The following SH3GLB2 variants were observed in gnomAD, a reference collection of about 807,000 sequenced individuals.
The protein encoded by SH3GLB2 is endophilin-B2.
In SH3GLB2, 24 loss-of-function variants were observed where a neutral mutation model predicts 48.0. That is an observed-to-expected ratio of 0.50 (90% CI 0.36 to 0.70). The LOEUF is 0.70. Among genes scored for constraint, SH3GLB2 ranks in the 30% least tolerant of loss-of-function variants. SH3GLB2 has a pLI of 0.00. For missense variants in SH3GLB2, 425 were observed against 516.0 expected, an observed-to-expected ratio of 0.82 and a Z score of 1.71; for synonymous variants, 227 against 207.6, an observed-to-expected ratio of 1.09 and a Z score of -0.80.
At position 129,013,055 on chromosome 9, in the gene SH3GLB2, C is replaced by CAA. The variant is rs764613173; in HGVS notation, c.562-759_562-758dup. On this transcript the variant is annotated intron_variant, in intron 5 of 10. Transcript: ENST00000372564. ...TTACCCAAAGCAGGACGGAAAGGAA[C>CAA]AAAAACAAAGAGTTAGTGAGTCCAC... 11 of 1,551,102 alleles carry CAA rather than the reference C, an allele frequency of 7.1e-6. No homozygotes were observed. In the Admixed American group the frequency reaches 2.2e-4, roughly 30 times the overall value.
At chr9:129,008,975 A>T in intron 10 of SH3GLB2, 131 bp downstream of exon 10, 1 of 1,451,142 alleles carries the variant, frequency 6.9e-7, no homozygotes, top group Non-Finnish European at 9.3e-7. Context: ...TCAGAGCTGG[A>T]TATGCCCTCT....
chr9:129,013,399 C>T lies in SH3GLB2; in HGVS notation c.561+1012G>A. On this transcript the variant is annotated intron_variant, in intron 5 of 10. Coordinates refer to ENST00000372564, the MANE Select transcript of SH3GLB2 (RefSeq NM_020145.4). Reference sequence around the variant, plus strand: ...GAGAGTGTGTTCTGGCTGAGTTACTCCAGAGACGGTGTCTGGCCCGAAGTG... The same window carrying T: ...GAGAGTGTGTTCTGGCTGAGTTACTTCAGAGACGGTGTCTGGCCCGAAGTG... 1.1e-5 allele frequency: 3 copies of T among 280,108 alleles called. No homozygotes were observed. In the South Asian group the frequency reaches 1.6e-4, roughly 15 times the overall value. 17.4% of individuals were successfully genotyped at this position (280,108 alleles called of 1,614,324 possible).
Position 129,011,001 on chromosome 9 carries a change from A to T in SH3GLB2, c.625-308T>A. The T allele has an allele frequency of 2.4e-6, 1 of 419,988 alleles. No individual in the cohort carries two copies. Among genetic ancestry groups the T allele is most frequent in the Non-Finnish European group, 4.3e-6 (1 of 232,076 alleles). The allele number at this position is 419,988 out of a possible 1,614,324, so 26.0% of individuals were successfully genotyped here. A position where few individuals can be genotyped will look rare whatever the true frequency, so the allele number is the denominator to read the frequency against. On this transcript the variant is annotated intron_variant, in intron 6 of 10. Coordinates refer to ENST00000372564, the MANE Select transcript of SH3GLB2 (RefSeq NM_020145.4). The surrounding 1 kb of genome is among the most constrained non-coding windows in gnomAD (Gnocchi z 4.5). Reference sequence around the variant, plus strand: ...AAGAGAGACGGAGTGTCCCCACCCCATCCTGACTGCTGGCTCAGGCTGCTG... The same window carrying T: ...AAGAGAGACGGAGTGTCCCCACCCCTTCCTGACTGCTGGCTCAGGCTGCTG...
At chr9:129,020,632 C>T (rs573702636) in intron 3 of SH3GLB2, among the ~76,000 whole-genome samples, 1 of 151,836 alleles carries the variant, frequency 6.6e-6, no homozygotes, top group East Asian at 1.9e-4. Context: ...GTTTTCGAGG[C>T]ATAGGCGGGC....
intron 3 of SH3GLB2, among the ~76,000 whole-genome samples, chr9:129,020,395 C>A (rs1030300585): frequency 6.6e-6 from 1 of 150,626 alleles, no homozygotes; most frequent in African/African-American, 2.4e-5. Context: ...ATGGTGAAAC[C>A]CTGCCTCTAC....
chr9:129,019,708 C>CA (rs1216460109), intron 3 of SH3GLB2, among the ~76,000 whole-genome samples: 755 of 57,244 alleles, frequency 0.013, 7 homozygotes, highest in African/African-American at 0.029. Flanking sequence ...GACTCTGCCT[C>CA]AAAAAAAAAA....
At chr9:129,019,620 G>A (rs551192143) in intron 3 of SH3GLB2, among the ~76,000 whole-genome samples, 8 of 149,204 alleles carry the variant, frequency 5.4e-5, no homozygotes. Context: ...GGAGGACCCG[G>A]GATGCTTGAA....
intron 1 of SH3GLB2, among the ~76,000 whole-genome samples, chr9:129,025,396 CT>C (rs1170647821): frequency 6.6e-6 from 1 of 151,052 alleles, no homozygotes; most frequent in African/African-American, 2.4e-5. Flanking sequence ...AACCCTGTCT[CT>C]ACTAAGTACA....
Position 129,014,597 on chromosome 9 carries a change from C to T in SH3GLB2, c.469-94G>A. On this transcript the variant is annotated intron_variant, in intron 4 of 10. Transcript: ENST00000372564. The surrounding 1 kb of genome is among the most constrained non-coding windows in gnomAD (Gnocchi z 4.1). The stretch of plus-strand genomic sequence containing the variant: ...AGATTGGTGCCGGGGACGATCAAGT[C>T]AAGATAGGGAAACTGAGGCCCAGAG... The T allele has an allele frequency of 6.7e-7, 1 of 1,497,744 alleles. No individual in the cohort carries two copies. Among genetic ancestry groups the T allele is most frequent in the Non-Finnish European group, 9.1e-7 (1 of 1,093,826 alleles). 92.8% of individuals were successfully genotyped at this position (1,497,744 alleles called of 1,614,324 possible).
chr9:129,016,516 G>A (rs973210088), intron 3 of SH3GLB2, among the ~76,000 whole-genome samples: 6 of 151,824 alleles, frequency 4.0e-5, no homozygotes, highest in Admixed American at 3.9e-4. Context: ...AAATTAGCCA[G>A]GCGTGGTGGC....
intron 3 of SH3GLB2, among the ~76,000 whole-genome samples, chr9:129,020,409 A>T (rs954256156): frequency 6.6e-6 from 1 of 151,088 alleles, no homozygotes; most frequent in Non-Finnish European, 1.5e-5. Flanking sequence ...CCTCTACTAA[A>T]AACACAAAAA....
At chr9:129,026,010 T>G (rs1185420191) in intron 1 of SH3GLB2, among the ~76,000 whole-genome samples, 1 of 152,140 alleles carries the variant, frequency 6.6e-6, no homozygotes, top group African/African-American at 2.4e-5. Flanking sequence ...ACTGGCATCT[T>G]GTCCAAATCT....
chr9:129,022,930 C>T (rs943756572), intron 1 of SH3GLB2, among the ~76,000 whole-genome samples: 1 of 152,130 alleles, frequency 6.6e-6, no homozygotes, highest in African/African-American at 2.4e-5. Context: ...TCAGAAGGAC[C>T]TGATTCAAGT....
Position 129,014,392 on chromosome 9 carries a change from G to T in SH3GLB2, c.561+19C>A, listed in dbSNP as rs760249424. On this transcript the variant is annotated intron_variant, in intron 5 of 10. Coordinates refer to ENST00000372564, the MANE Select transcript of SH3GLB2 (RefSeq NM_020145.4). The surrounding 1 kb of genome is among the most constrained non-coding windows in gnomAD (Gnocchi z 4.1). ...CCAGAGCCTGGGCCAGGAGGCCAGC[G>T]GGGAGCGGGGACACCTACCGTGGCT... The T allele has an allele frequency of 1.3e-6, 2 of 1,548,444 alleles. No homozygotes were observed. The highest frequency in any genetic ancestry group is 2.4e-5 in the East Asian group (1 of 40,918).
intron 9 of SH3GLB2, 138 bp from the exon 10 acceptor site, chr9:129,009,484 A>AAAAGC: frequency 6.5e-7 from 1 of 1,549,096 alleles, no homozygotes; most frequent in East Asian, 2.4e-5. Context: ...GCACAAAGGG[A>AAAAGC]AAAGCAAAGC....
At chr9:129,019,368 A>C (rs1006147498) in intron 3 of SH3GLB2, among the ~76,000 whole-genome samples, 2 of 151,920 alleles carry the variant, frequency 1.3e-5, no homozygotes, top group Admixed American at 1.3e-4. Context: ...AGCCTGGGGG[A>C]CAGAGCCAGA....
chr9:129,012,845 G>A, intron 5 of SH3GLB2: 1 of 804,396 alleles, frequency 1.2e-6, no homozygotes, highest in Admixed American at 2.8e-5. Context: ...CCCAACGCCT[G>A]GCATCCCCCC....
Position 129,008,843 on chromosome 9 carries a change from G to A in SH3GLB2, c.1081-52C>T, listed in dbSNP as rs781238410. ...CATGGCCTGGCCAAGGGTGGAACTG[G>A]CCCCAGGACTAAGTGGGGACAGAGC... On this transcript the variant is annotated intron_variant, in intron 10 of 10. Transcript: ENST00000372564. 9.1e-6 allele frequency: 14 copies of A among 1,536,248 alleles called. No homozygotes were observed. The Admixed American group carries it at 1.2e-4, about 13-fold the overall frequency.
In SH3GLB2 at chr9:129,014,892, A is replaced by C. The variant is rs779376066; in HGVS notation, c.347T>G (p.Ile116Ser). Reference protein sequence around the residue: ...GPTTPYGKTLIKVAEAEKQLG... With the variant: ...GPTTPYGKTLSKVAEAEKQLG... ...TTGCTTTTCAGCTTCTGCCACCTTG[A>C]TCAGTGTCTTCCCTGAGAAAACAGA... The change falls in exon 4 of 11, where the codon ATC becomes AGC. Residue 116 changes from isoleucine (I) to serine (S), a missense_variant. Coordinates refer to ENST00000372564, the MANE Select transcript of SH3GLB2 (RefSeq NM_020145.4). This position sits in a 1 kb window ranked among gnomAD's most constrained non-coding sequence, Gnocchi z 4.1. 1 of 1,613,882 alleles carries C rather than the reference A, an allele frequency of 6.2e-7. No homozygotes were observed. The highest frequency in any genetic ancestry group is 1.1e-5 in the South Asian group (1 of 91,064).
Sources: allele counts gnomAD v4.1 joint callset (sites outside exome capture counted in the v4.1 genomes callset), GRCh38; gene constraint gnomAD v4.1.1; non-coding constraint Gnocchi (gnomAD v3.1); transcripts MANE v1.5; gene names NCBI Gene and HGNC (gene_info 2026-07-23, HGNC 2026-07-21).